MTHFS: variants seen among roughly 807,000 people sequenced by gnomAD.
MTHFS encodes 5-formyltetrahydrofolate cyclo-ligase.
In MTHFS, 7 loss-of-function variants were observed where a neutral mutation model predicts 12.7. That is an observed-to-expected ratio of 0.55 (90% CI 0.31 to 1.03). The LOEUF (loss-of-function observed/expected upper bound fraction) is 1.03. Ranked by LOEUF, MTHFS falls within the 50% of genes least tolerant of loss-of-function variation. MTHFS has a pLI of 0.05. For missense variants in MTHFS, 252 were observed against 258.1 expected (o/e 0.98, Z 0.16); for synonymous variants, 100 against 97.1 (o/e 1.03, Z -0.18).
At chr15:79,868,500 C>G (rs184012199) in intron 2 of MTHFS, among the ~76,000 whole-genome samples, 1 of 152,280 alleles carries the variant, frequency 6.6e-6, no homozygotes, top group Admixed American at 6.5e-5. Flanking sequence ...ATTGGGCCAA[C>G]AGGTGCCCAG....
intron 2 of MTHFS, among the ~76,000 whole-genome samples, chr15:79,885,510 T>G (rs2034367085): frequency 6.6e-6 from 1 of 152,188 alleles, no homozygotes; most frequent in Non-Finnish European, 1.5e-5. Flanking sequence ...TACTCTCAGC[T>G]CAGTGGTTTG....
At chr15:79,861,522 C>A (rs2033913027) in intron 2 of MTHFS, among the ~76,000 whole-genome samples, 1 of 152,096 alleles carries the variant, frequency 6.6e-6, no homozygotes, top group Admixed American at 6.5e-5. Flanking sequence ...GTGGCATAAC[C>A]TTTTTTAGTA....
chr15:79,854,710 T>C (rs1452278662), intron 2 of MTHFS, among the ~76,000 whole-genome samples: 1 of 152,258 alleles, frequency 6.6e-6, no homozygotes, highest in East Asian at 1.9e-4. Context: ...AGTCTTCTTT[T>C]TGAAGAGGTA....
intron 2 of MTHFS, among the ~76,000 whole-genome samples, chr15:79,846,621 A>C (rs2141337425): frequency 6.6e-6 from 1 of 152,282 alleles, no homozygotes; most frequent in East Asian, 1.9e-4. Flanking sequence ...AAATCCAGCA[A>C]AGCATGCCTC....
chr15:79,873,725 G>A (rs2034143453), intron 2 of MTHFS, among the ~76,000 whole-genome samples: 1 of 152,148 alleles, frequency 6.6e-6, no homozygotes, highest in African/African-American at 2.4e-5. Context: ...ACCAATATGG[G>A]GCTGGCTGGA....
At chr15:79,858,940 A>C (rs1315450077) in intron 2 of MTHFS, among the ~76,000 whole-genome samples, 1 of 152,232 alleles carries the variant, frequency 6.6e-6, no homozygotes. Context: ...CAGCTTAACA[A>C]CACAATGGAC....
Position 79,896,868 on chromosome 15 carries a change from G to C in MTHFS, c.117+4C>G. ...CGCGGCTTCCGCTACGGGCGGCCTC[G>C]CACCTTCTGGCTCAGTACGCGGGAC... is the stretch of plus-strand genomic sequence containing the variant. On this transcript the variant is annotated splice_donor_region_variant and intron_variant, in intron 1 of 2. Transcript: ENST00000258874. 1 of 1,542,196 alleles carries C rather than the reference G, an allele frequency of 6.5e-7. No individual in the cohort carries two copies. Among genetic ancestry groups the C allele is most frequent in the Non-Finnish European group, 8.7e-7 (1 of 1,146,218 alleles).
Position 79,894,850 on chromosome 15 carries a change from C to T in MTHFS, c.117+2022G>A, listed in dbSNP as rs114091146. ...TCTCACTTAACAGTCTCCCATTTGC[C>T]TCCTTTCCCCTCATCTTCACTGCCC... On this transcript the variant is annotated intron_variant, in intron 1 of 2. Transcript: ENST00000258874. Among the ~76,000 whole-genome samples, 1,403 of 152,054 alleles carry T rather than the reference C, an allele frequency of 9.2e-3. 31 individuals are homozygous for T. The highest frequency in any genetic ancestry group is 0.033 in the African/African-American group (1,352 of 41,466).
At chr15:79,870,897 C>T (rs764612992) in intron 2 of MTHFS, among the ~76,000 whole-genome samples, 99 of 152,294 alleles carry the variant, frequency 6.5e-4, no homozygotes, top group Admixed American at 1.0e-3. Context: ...ATTCCCAGCA[C>T]TTTGGGAGGC....
At chr15:79,852,591 C>A (rs1349061585) in intron 2 of MTHFS, among the ~76,000 whole-genome samples, 1 of 152,122 alleles carries the variant, frequency 6.6e-6, no homozygotes, top group East Asian at 1.9e-4. Context: ...AAAGACATGA[C>A]CACCATAATT....
intron 2 of MTHFS, among the ~76,000 whole-genome samples, chr15:79,850,112 GTAT>G (rs2033687980): frequency 6.6e-6 from 1 of 152,204 alleles, no homozygotes; most frequent in Admixed American, 6.5e-5. Context: ...CATGAAAACT[GTAT>G]TAGATAATGC....
intron 2 of MTHFS, among the ~76,000 whole-genome samples, chr15:79,848,602 A>T (rs979767714): frequency 6.6e-6 from 1 of 152,274 alleles, no homozygotes; most frequent in African/African-American, 2.4e-5. Context: ...AAGAAAAGGC[A>T]GAAGTTTGGA....
intron 1 of MTHFS, among the ~76,000 whole-genome samples, chr15:79,894,659 T>C (rs1567001008): frequency 6.6e-6 from 1 of 152,196 alleles, no homozygotes; most frequent in Admixed American, 6.5e-5. Flanking sequence ...ACTGAATTCA[T>C]CTTTATTTTC....
chr15:79,845,793 A>G (rs1255465914), intron 2 of MTHFS, among the ~76,000 whole-genome samples: 3 of 152,304 alleles, frequency 2.0e-5, no homozygotes, highest in South Asian at 4.1e-4. Flanking sequence ...TTGGAAATCA[A>G]TACCCCAGGA....
chr15:79,848,900 G>A (rs1259415029), intron 2 of MTHFS, among the ~76,000 whole-genome samples: 1 of 152,094 alleles, frequency 6.6e-6, no homozygotes, highest in Non-Finnish European at 1.5e-5. Context: ...CCTGAAAAAT[G>A]AATATTTTGC....
intron 1 of MTHFS, 154 bp downstream of exon 1, chr15:79,896,718 G>A (rs2034578899): frequency 2.2e-6 from 2 of 926,160 alleles, no homozygotes; most frequent in Non-Finnish European, 1.4e-6. Context: ...ACTAGGGGGC[G>A]TGCGCGCGCC....
chr15:79,870,987 CA>C (rs1289183286), intron 2 of MTHFS, among the ~76,000 whole-genome samples: 3 of 151,818 alleles, frequency 2.0e-5, no homozygotes, highest in Non-Finnish European at 4.4e-5. Flanking sequence ...ACTAAAAATA[CA>C]AAAAATTAGC....
intron 2 of MTHFS, among the ~76,000 whole-genome samples, chr15:79,866,383 A>G (rs1344395508): frequency 6.6e-6 from 1 of 152,230 alleles, no homozygotes; most frequent in Non-Finnish European, 1.5e-5. Context: ...AAGTAACCCA[A>G]AGGCATTTGA....
At chr15:79,880,514 A>C (rs1165129272) in intron 2 of MTHFS, among the ~76,000 whole-genome samples, 1 of 152,134 alleles carries the variant, frequency 6.6e-6, no homozygotes, top group Non-Finnish European at 1.5e-5. Flanking sequence ...CATTCACTCA[A>C]TATACAATTC....
Sources: allele counts gnomAD v4.1 joint callset (sites outside exome capture counted in the v4.1 genomes callset), GRCh38; gene constraint gnomAD v4.1.1; transcripts MANE v1.5; gene names NCBI Gene and HGNC (gene_info 2026-07-23, HGNC 2026-07-21).